The following CYP4F22 variants were observed in gnomAD, a reference collection of about 807,000 sequenced individuals.
CYP4F22 encodes cytochrome P450 family 4 subfamily F member 22.
Under a neutral mutation model 60.4 loss-of-function variants are expected in CYP4F22, and 37 were observed. The observed-to-expected ratio is 0.61, with a 90% CI of 0.47 to 0.81. CYP4F22 has a LOEUF of 0.81. Among genes scored for constraint, CYP4F22 ranks in the 30% least tolerant of loss-of-function variants. CYP4F22 has a pLI of 0.00. For synonymous variants in CYP4F22, 258 were observed against 280.5 expected (o/e 0.92, Z 0.80); for missense variants, 655 against 715.0 (o/e 0.92, Z 0.96).
At chr19:15,549,999 G>A (rs1044910421) in intron 12 of CYP4F22, among the ~76,000 whole-genome samples, 14 of 152,082 alleles carry the variant, frequency 9.2e-5, no homozygotes, top group African/African-American at 3.4e-4. Context: ...TGCGATCTTG[G>A]CTCACTGCAA....
intron 8 of CYP4F22, among the ~76,000 whole-genome samples, chr19:15,541,821 G>A (rs951418388): frequency 4.0e-5 from 6 of 150,206 alleles, no homozygotes; most frequent in East Asian, 2.0e-4. Context: ...CGGAGGTTGC[G>A]GTGAGCTGAG....
rs561895946 is a variant in CYP4F22 at position 15,509,718 on chromosome 19, C to T, written c.-109+1135C>T. On this transcript the variant is annotated intron_variant, in intron 1 of 13. Coordinates refer to ENST00000269703, the MANE Select transcript of CYP4F22 (RefSeq NM_173483.4). ...GCCTCAGTCCACTTTCCGATGTCCCCGGCATCACCAAATGGCCCAGCTTGG... is the reference window on the plus strand; with the variant it reads ...GCCTCAGTCCACTTTCCGATGTCCCTGGCATCACCAAATGGCCCAGCTTGG... 3.3e-5 allele frequency among the ~76,000 whole-genome samples: 5 copies of T among 152,192 alleles called. No homozygotes were observed. The East Asian group carries it at 7.7e-4, about 24-fold the overall frequency.
At chr19:15,523,246 G>A (rs1221827113) in intron 1 of CYP4F22, among the ~76,000 whole-genome samples, 3 of 152,080 alleles carry the variant, frequency 2.0e-5, no homozygotes, top group Non-Finnish European at 4.4e-5. Flanking sequence ...TGTAACCCCA[G>A]CTACTTGGGA....
At chr19:15,537,768 T>C in intron 6 of CYP4F22, 104 bp from the exon 7 acceptor site, 1 of 1,608,258 alleles carries the variant, frequency 6.2e-7, no homozygotes, top group Non-Finnish European at 8.5e-7. Context: ...CCTCACTGAC[T>C]TTATCTATAA....
At chr19:15,528,397 C>A (rs546034866) in intron 3 of CYP4F22, among the ~76,000 whole-genome samples, 25 of 152,282 alleles carry the variant, frequency 1.6e-4, no homozygotes, top group Non-Finnish European at 3.5e-4. Context: ...CCAGGAGTGA[C>A]CCTCAACCAA....
intron 1 of CYP4F22, among the ~76,000 whole-genome samples, chr19:15,520,934 A>G (rs1568355020): frequency 6.6e-6 from 1 of 151,664 alleles, no homozygotes; most frequent in Non-Finnish European, 1.5e-5. Context: ...CACCTGACTA[A>G]TTTTTTGTAT....
In CYP4F22 at chr19:15,544,228, G is replaced by T; in HGVS notation, c.1085G>T (p.Arg362Leu). The change falls in exon 10 of 14, where the codon CGA becomes CTA. Residue 362 changes from arginine (R) to leucine (L), a missense_variant. Arg to Leu is a moderately radical substitution (Grantham distance 102, BLOSUM62 -2). Transcript: ENST00000269703. ...TATCCGGAATACCAGGAGAAATGCCGAGAAGAGATTCAGGAAGTCATGAAA... is the reference window on the plus strand; with the variant it reads ...TATCCGGAATACCAGGAGAAATGCCTAGAAGAGATTCAGGAAGTCATGAAA... ...AKYPEYQEKC[R>L]EEIQEVMKGR... 1 of 1,614,146 alleles carries T rather than the reference G, an allele frequency of 6.2e-7. No homozygotes were observed. The highest frequency in any genetic ancestry group is 8.5e-7 in the Non-Finnish European group (1 of 1,180,040).
chr19:15,524,447 C>T (rs1269501652), intron 2 of CYP4F22, among the ~76,000 whole-genome samples: 7 of 152,012 alleles, frequency 4.6e-5, no homozygotes, highest in Admixed American at 2.6e-4. Flanking sequence ...CCCAGGAGTT[C>T]GAGACCAGCC....
chr19:15,550,310 C>A (rs186328096), intron 12 of CYP4F22, among the ~76,000 whole-genome samples: 23 of 151,944 alleles, frequency 1.5e-4, no homozygotes, highest in Admixed American at 2.6e-4. Context: ...CAAACAAAGA[C>A]AGACAAACAA....
chr19:15,511,085 G>A (rs1971086549), intron 1 of CYP4F22, among the ~76,000 whole-genome samples: 1 of 148,256 alleles, frequency 6.7e-6, no homozygotes, highest in African/African-American at 2.5e-5. Context: ...TCTTGCCTCA[G>A]CCTCCTGAGT....
At chr19:15,547,340 G>A (rs1158957658) in intron 10 of CYP4F22, among the ~76,000 whole-genome samples, 1 of 152,032 alleles carries the variant, frequency 6.6e-6, no homozygotes, top group Non-Finnish European at 1.5e-5. Flanking sequence ...AGTTTTTTAA[G>A]TACAGAAATG....
chr19:15,539,653 C>G (rs952042480), intron 7 of CYP4F22, among the ~76,000 whole-genome samples: 1 of 152,170 alleles, frequency 6.6e-6, no homozygotes, highest in African/African-American at 2.4e-5. Flanking sequence ...AGTGGTTGTA[C>G]CATTTTGCTC....
intron 1 of CYP4F22, among the ~76,000 whole-genome samples, chr19:15,521,037 G>A (rs1197768412): frequency 6.6e-6 from 1 of 152,020 alleles, no homozygotes; most frequent in African/African-American, 2.4e-5. Context: ...AAAGTGCTGG[G>A]ATTACAAGTG....
chr19:15,529,889 C>T lies in CYP4F22; in HGVS notation c.367+36C>T, dbSNP rs761511787. ...TGGGCCTCCGATCTATGGTTGAGTCCTCAACTCCCAGAGCCTATCTGAGAT... is the reference window on the plus strand; with the variant it reads ...TGGGCCTCCGATCTATGGTTGAGTCTTCAACTCCCAGAGCCTATCTGAGAT... On this transcript the variant is annotated intron_variant, in intron 4 of 13. Transcript: ENST00000269703. 5.0e-6 allele frequency: 8 copies of T among 1,613,070 alleles called. No homozygotes were observed. The South Asian group carries it at 8.8e-5, about 18-fold the overall frequency.
rs771098337 is a variant in CYP4F22, at chr19:15,537,359, A to T, written c.368-2A>T. The T allele has an allele frequency of 6.2e-7, 1 of 1,614,142 alleles. No homozygotes were observed. Among genetic ancestry groups the T allele is most frequent in the Non-Finnish European group, 8.5e-7 (1 of 1,180,034 alleles). ...TCACCATTTTCCCTTTGCCCTCCAC[A>T]GCTGCCATCGCCCCCAAGGATGACC... On this transcript the variant is annotated splice_acceptor_variant, in intron 4 of 13. Transcript: ENST00000269703. LOFTEE classifies it high-confidence loss of function.
rs543257110 is a variant in CYP4F22, at chr19:15,530,706, C to T, written c.367+853C>T. 2.0e-5 allele frequency among the ~76,000 whole-genome samples: 3 copies of T among 152,138 alleles called. No individual in the cohort carries two copies. In the South Asian group the frequency reaches 6.2e-4, roughly 32 times the overall value. The stretch of plus-strand genomic sequence containing the variant: ...ACATGGCAGCAGGAAGGAGAAGTGC[C>T]AAGTAAAAGGGGGAAATTCGTTAAA... On this transcript the variant is annotated intron_variant, in intron 4 of 13. Coordinates refer to ENST00000269703, the MANE Select transcript of CYP4F22 (RefSeq NM_173483.4).
intron 11 of CYP4F22, 24 bp downstream of exon 11, chr19:15,548,265 G>T (rs1452248699): frequency 6.2e-7 from 1 of 1,613,610 alleles, no homozygotes; most frequent in South Asian, 1.1e-5. Context: ...TCCGCCTGCT[G>T]CTGGTGCACT....
chr19:15,530,116 T>C (rs1480758807), intron 4 of CYP4F22, among the ~76,000 whole-genome samples: 9 of 152,168 alleles, frequency 5.9e-5, no homozygotes, highest in African/African-American at 2.2e-4. Context: ...GATAGGCAGT[T>C]GTTCCTTATG....
chr19:15,529,670 C>G, intron 3 of CYP4F22, 39 bp from the exon 4 acceptor site: 1 of 1,612,736 alleles, frequency 6.2e-7, no homozygotes. Context: ...GAAGCTGGGG[C>G]TGGGTACCTC....
Sources: gnomAD v4.1 joint callset for allele counts (sites outside exome capture counted in the v4.1 genomes callset) on GRCh38, gnomAD v4.1.1 for gene constraint, MANE v1.5 for transcripts, NCBI Gene and HGNC (gene_info 2026-07-23, HGNC 2026-07-21) for gene names.